Variants in USP13 observed in about 807,000 individuals in gnomAD.
The protein encoded by USP13 is ubiquitin carboxyl-terminal hydrolase 13.
Under a neutral mutation model 107.8 loss-of-function variants are expected in USP13, and 68 were observed. That is an observed-to-expected ratio of 0.63 (90% CI 0.52 to 0.77). The LOEUF is 0.77. USP13 is among the 30% of genes least tolerant of loss of function. The probability of loss-of-function intolerance (pLI) is 0.00; values close to 1 mark genes in which losing one functional copy is unlikely to be tolerated. For synonymous variants in USP13, 377 were observed against 389.5 expected, an observed-to-expected ratio of 0.97 and a Z score of 0.38; for missense variants, 945 against 1,093.3, an observed-to-expected ratio of 0.86 and a Z score of 1.91.
intron 1 of USP13, among the ~76,000 whole-genome samples, chr3:179,654,342 C>G (rs1720188849): frequency 1.3e-5 from 2 of 152,176 alleles, no homozygotes; most frequent in South Asian, 2.1e-4. Flanking sequence ...AAATGAGTCA[C>G]TTGGACTGAC....
intron 2 of USP13, among the ~76,000 whole-genome samples, chr3:179,682,770 A>G (rs1286629158): frequency 1.3e-5 from 2 of 152,212 alleles, no homozygotes; most frequent in East Asian, 1.9e-4. Context: ...GAATGCAGCA[A>G]TTAACATTTT....
intron 12 of USP13, among the ~76,000 whole-genome samples, chr3:179,743,484 T>G (rs1420093647): frequency 6.6e-6 from 1 of 152,064 alleles, no homozygotes; most frequent in Non-Finnish European, 1.5e-5. Flanking sequence ...TTTATGATGT[T>G]AGTTGGAAAG....
At chr3:179,724,554 A>G (rs1370517543) in intron 8 of USP13, among the ~76,000 whole-genome samples, 2 of 152,196 alleles carry the variant, frequency 1.3e-5, no homozygotes, top group East Asian at 3.8e-4. Context: ...CTGGCTTATG[A>G]ACAGCCGTAG....
chr3:179,698,039 G>A (rs1032815865), intron 3 of USP13, among the ~76,000 whole-genome samples: 2 of 152,188 alleles, frequency 1.3e-5, no homozygotes, highest in African/African-American at 4.8e-5. Flanking sequence ...TGTTGATGTT[G>A]TTGACTTCCT....
intron 13 of USP13, among the ~76,000 whole-genome samples, chr3:179,751,900 G>T (rs1560074532): frequency 6.6e-6 from 1 of 151,932 alleles, no homozygotes; most frequent in Non-Finnish European, 1.5e-5. Context: ...GTATTTTTGT[G>T]CCTGGCTAAT....
At chr3:179,670,760 T>C (rs144481025) in intron 1 of USP13, among the ~76,000 whole-genome samples, 1 of 151,988 alleles carries the variant, frequency 6.6e-6, no homozygotes, top group African/African-American at 2.4e-5. Context: ...TGCAGTGGCA[T>C]GATCTCCGCT....
Position 179,749,008 on chromosome 3 carries a change from A to C in USP13, c.1710-3277A>C, listed in dbSNP as rs373641025. Among the ~76,000 whole-genome samples, 67 of 152,252 alleles carry C rather than the reference A, an allele frequency of 4.4e-4. 2 individuals are homozygous for C. Among genetic ancestry groups the C allele is most frequent in the African/African-American group, 1.4e-3 (57 of 41,540 alleles). On this transcript the variant is annotated intron_variant, in intron 13 of 20. Coordinates refer to ENST00000263966, the MANE Select transcript of USP13 (RefSeq NM_003940.3). ...TGGAGTTGTTATTTCTGTTATGTTTATCTTCGTTTTTTTGTCTTTGATGAT... is the reference window on the plus strand; with the variant it reads ...TGGAGTTGTTATTTCTGTTATGTTTCTCTTCGTTTTTTTGTCTTTGATGAT...
chr3:179,695,324 A>C (rs1044115858), intron 3 of USP13, among the ~76,000 whole-genome samples: 5 of 152,170 alleles, frequency 3.3e-5, no homozygotes, highest in Non-Finnish European at 5.9e-5. Flanking sequence ...TTCCTTTTCC[A>C]TCAGCTCAAC....
intron 17 of USP13, 24 bp from the exon 18 acceptor site, chr3:179,763,978 C>T (rs747504535): frequency 6.9e-7 from 1 of 1,458,122 alleles, no homozygotes; most frequent in Non-Finnish European, 9.3e-7. Flanking sequence ...AAGGAAAAGA[C>T]TTGGGTGTGG....
intron 1 of USP13, among the ~76,000 whole-genome samples, chr3:179,664,640 C>G (rs6775824): frequency 0.23 from 35,059 of 152,034 alleles, 6,505 homozygotes; most frequent in African/African-American, 0.51. Context: ...TCCCCTTGTT[C>G]CCAGGCACAG....
chr3:179,701,941 T>G (rs975758726), intron 4 of USP13, among the ~76,000 whole-genome samples: 17 of 152,180 alleles, frequency 1.1e-4, no homozygotes, highest in African/African-American at 3.9e-4. Context: ...TTTTTCCTGC[T>G]CTTTGCTCAT....
rs138240400 is a variant in USP13 at position 179,755,784 on chromosome 3, C to T, written c.1921+930C>T. Among the ~76,000 whole-genome samples the T allele has an allele frequency of 4.3e-3, 659 of 152,294 alleles. 7 individuals are homozygous for T. The highest frequency in any genetic ancestry group is 0.015 in the African/African-American group (617 of 41,564). ...TCCTAATGAGTAGATTAACTCATAACGACAGAGCACTCTGGGACCCTCTGC... is the reference window on the plus strand; with the variant it reads ...TCCTAATGAGTAGATTAACTCATAATGACAGAGCACTCTGGGACCCTCTGC... On this transcript the variant is annotated intron_variant, in intron 15 of 20. Transcript: ENST00000263966.
At chr3:179,718,286 C>CT (rs5854843) in intron 6 of USP13, among the ~76,000 whole-genome samples, 126,254 of 145,262 alleles carry the variant, frequency 0.87, 55,289 homozygotes, top group Non-Finnish European at 0.93. Flanking sequence ...TCTTTAGAAA[C>CT]TTTTTTTTTT....
At chr3:179,697,079 G>C (rs1176049996) in intron 3 of USP13, among the ~76,000 whole-genome samples, 2 of 152,140 alleles carry the variant, frequency 1.3e-5, no homozygotes, top group African/African-American at 4.8e-5. Context: ...GTCTGAAAGT[G>C]GAACTTCCAA....
At position 179,786,418 on chromosome 3, in the gene USP13, A is replaced by C. The variant is rs1715916566; in HGVS notation, c.*2277A>C. On this transcript the variant is annotated 3_prime_UTR_variant, in exon 21 of 21. Transcript: ENST00000263966. ...TAAAAATCAGTGATGTAAAATCAAT[A>C]TTTAAGACTATAGGCTATAAATTGT... The C allele has an allele frequency of 6.6e-6, 1 of 152,254 alleles. No individual in the cohort carries two copies. Among genetic ancestry groups the C allele is most frequent in the Non-Finnish European group, 1.5e-5 (1 of 68,038 alleles). 9.4% of individuals were successfully genotyped at this position (152,254 alleles called of 1,614,324 possible).
At chr3:179,745,277 G>A in intron 13 of USP13, 60 bp downstream of exon 13, 1 of 1,528,742 alleles carries the variant, frequency 6.5e-7, no homozygotes, top group Non-Finnish European at 9.0e-7. Context: ...GGTGGGGACA[G>A]GGGTAAGGGA....
At chr3:179,774,022 G>A (rs1258068012) in intron 19 of USP13, among the ~76,000 whole-genome samples, 1 of 152,172 alleles carries the variant, frequency 6.6e-6, no homozygotes, top group African/African-American at 2.4e-5. Flanking sequence ...AGGTTTGTTT[G>A]GCTCATAGCT....
At chr3:179,697,171 A>G (rs1468386671) in intron 3 of USP13, among the ~76,000 whole-genome samples, 1 of 152,206 alleles carries the variant, frequency 6.6e-6, no homozygotes, top group Non-Finnish European at 1.5e-5. Flanking sequence ...TAAGGAATAG[A>G]TTGAAAACAG....
chr3:179,765,192 T>C, intron 18 of USP13, among the ~76,000 whole-genome samples: 1 of 152,256 alleles, frequency 6.6e-6, no homozygotes, highest in East Asian at 1.9e-4. Context: ...ATATTAATCT[T>C]GTCTTTACTG....
Sources: gnomAD v4.1 joint callset for allele counts (sites outside exome capture counted in the v4.1 genomes callset) on GRCh38, gnomAD v4.1.1 for gene constraint, MANE v1.5 for transcripts, NCBI Gene and HGNC (gene_info 2026-07-23, HGNC 2026-07-21) for gene names.